Variants in BFSP2 observed in about 807,000 individuals in gnomAD.
BFSP2 encodes the protein phakinin.
In BFSP2, 38 loss-of-function variants were observed where a neutral mutation model predicts 44.9. That is an observed-to-expected ratio of 0.85 (90% CI 0.65 to 1.11). The LOEUF (loss-of-function observed/expected upper bound fraction) is 1.11. Among genes scored for constraint, BFSP2 ranks in the 50% least tolerant of loss-of-function variants. The pLI, the probability that BFSP2 is intolerant of heterozygous loss-of-function variation, is 0.00. For missense variants in BFSP2, 525 were observed against 533.0 expected (o/e 0.99, Z 0.15); for synonymous variants, 197 against 209.9 (o/e 0.94, Z 0.53).
chr3:133,464,339 T>C (rs547344979), intron 4 of BFSP2, among the ~76,000 whole-genome samples: 1 of 152,210 alleles, frequency 6.6e-6, no homozygotes, highest in Non-Finnish European at 1.5e-5. Flanking sequence ...TCTTTCTGTC[T>C]CTCACTGGCC....
chr3:133,430,405 T>A (rs979191026), intron 1 of BFSP2, among the ~76,000 whole-genome samples: 9 of 151,748 alleles, frequency 5.9e-5, no homozygotes, highest in Non-Finnish European at 1.3e-4. Flanking sequence ...CTCCACATCC[T>A]CTCCAGCACC....
chr3:133,448,558 T>G lies in BFSP2; in HGVS notation c.642T>G (p.Asp214Glu). 1 of 1,614,120 alleles carries G rather than the reference T, an allele frequency of 6.2e-7. No homozygotes were observed. Among genetic ancestry groups the G allele is most frequent in the African/African-American group, 1.3e-5 (1 of 75,046 alleles). ...EEINSLYKVI[D>E]EANLTKMDLE... is the part of the protein sequence containing the mutation. ...TTAACTCTCTGTATAAAGTCATTGATGAGGCTAATTTGACTAAAATGGACC... is the reference window on the plus strand; with the variant it reads ...TTAACTCTCTGTATAAAGTCATTGAGGAGGCTAATTTGACTAAAATGGACC... Residue 214 changes from aspartate to glutamate, a missense_variant, in exon 3 of 7, where the codon GAT becomes GAG. Physicochemically the swap from Asp to Glu is conservative, Grantham distance 45. Coordinates refer to ENST00000302334, the MANE Select transcript of BFSP2 (RefSeq NM_003571.4).
chr3:133,422,765 C>CTGCTAGAATATAGCCCAGGTGT (rs1553778647), intron 1 of BFSP2, among the ~76,000 whole-genome samples: 32 of 147,240 alleles, frequency 2.2e-4, no homozygotes, highest in Middle Eastern at 3.5e-3. Flanking sequence ...AGCCCAGCAC[C>CTGCTAGAATATAGCCCAGGTGT]TGCCAGAATA....
intron 4 of BFSP2, among the ~76,000 whole-genome samples, chr3:133,466,373 C>A (rs2074109234): frequency 2.0e-5 from 3 of 151,454 alleles, no homozygotes; most frequent in African/African-American, 7.3e-5. Flanking sequence ...GGTGAAGGGA[C>A]CTGTTTAAAA....
chr3:133,440,646 G>A (rs977750217), intron 1 of BFSP2, among the ~76,000 whole-genome samples: 10 of 152,104 alleles, frequency 6.6e-5, no homozygotes, highest in Admixed American at 2.0e-4. Context: ...AACTTGGGGG[G>A]ACAGAGAGGC....
At chr3:133,437,171 G>C (rs1026384129) in intron 1 of BFSP2, among the ~76,000 whole-genome samples, 17 of 152,120 alleles carry the variant, frequency 1.1e-4, no homozygotes, top group Non-Finnish European at 2.4e-4. Flanking sequence ...GATCCTTGAG[G>C]AATTGCCACA....
intron 1 of BFSP2, among the ~76,000 whole-genome samples, chr3:133,405,086 G>T (rs569626468): frequency 6.6e-6 from 1 of 152,172 alleles, no homozygotes; most frequent in Non-Finnish European, 1.5e-5. Flanking sequence ...CTTGTGCCTC[G>T]GAGCTGCAGA....
At chr3:133,465,091 C>T (rs982272799) in intron 4 of BFSP2, among the ~76,000 whole-genome samples, 9 of 151,590 alleles carry the variant, frequency 5.9e-5, no homozygotes, top group Non-Finnish European at 7.4e-5. Context: ...CTGCAACCTC[C>T]GCCTCCTGGG....
intron 2 of BFSP2, 151 bp from the exon 3 acceptor site, chr3:133,448,338 T>G (rs1489885860): frequency 1.0e-6 from 1 of 979,418 alleles, no homozygotes; most frequent in African/African-American, 1.6e-5. Flanking sequence ...GTGTGACAAC[T>G]GCACTAACAG....
chr3:133,468,770 A>AAC (rs1409264722), intron 5 of BFSP2, among the ~76,000 whole-genome samples: 2 of 152,196 alleles, frequency 1.3e-5, no homozygotes, highest in African/African-American at 4.8e-5. Context: ...AAATAAATTC[A>AAC]ACTTCTTGAT....
chr3:133,412,311 T>C (rs1267081077), intron 1 of BFSP2: 1 of 152,250 alleles, frequency 6.6e-6, no homozygotes, highest in East Asian at 1.9e-4. Flanking sequence ...CTCATCGGGT[T>C]GGTGCAGGAA....
At chr3:133,436,325 C>CA (rs57060416) in intron 1 of BFSP2, among the ~76,000 whole-genome samples, 6,120 of 77,892 alleles carry the variant, frequency 0.079, 599 homozygotes, top group African/African-American at 0.22. Context: ...GACTCTGTCT[C>CA]AAAAAAAAAA....
At chr3:133,429,928 C>T (rs1478883048) in intron 1 of BFSP2, among the ~76,000 whole-genome samples, 2 of 151,116 alleles carry the variant, frequency 1.3e-5, no homozygotes, top group South Asian at 4.2e-4. Flanking sequence ...ACAACAGTCC[C>T]CGGTGCGTGA....
rs1559974406 is a variant in BFSP2 at position 133,447,318 on chromosome 3, T to A, written c.491T>A (p.Val164Glu). The A allele has an allele frequency of 6.2e-7, 1 of 1,613,872 alleles. No individual in the cohort carries two copies. The highest frequency in any genetic ancestry group is 8.5e-7 in the Non-Finnish European group (1 of 1,179,974). ...RASWASSCQQ[V>E]GEAVLENARL... ...CTTTGGTGTGTGTGATCGCTCTAGG[T>A]GGGTGAGGCAGTCTTGGAAAATGCC... The change falls in exon 2 of 7, where the codon GTG becomes GAG. Residue 164 changes from valine to glutamate, a missense_variant and splice_region_variant. Val to Glu is a moderately radical substitution (Grantham distance 121). Transcript: ENST00000302334.
intron 1 of BFSP2, among the ~76,000 whole-genome samples, chr3:133,443,750 C>T (rs1258532772): frequency 6.6e-6 from 1 of 152,170 alleles, no homozygotes; most frequent in Non-Finnish European, 1.5e-5. Flanking sequence ...CATCTTGCCA[C>T]TGCACCAGCT....
chr3:133,468,870 C>T (rs534304372), intron 5 of BFSP2, among the ~76,000 whole-genome samples: 16 of 152,266 alleles, frequency 1.1e-4, no homozygotes, highest in South Asian at 1.0e-3. Context: ...ACTTTAGGAT[C>T]GTAATAGAAT....
At chr3:133,421,965 G>A (rs535238646) in intron 1 of BFSP2, among the ~76,000 whole-genome samples, 1 of 152,136 alleles carries the variant, frequency 6.6e-6, no homozygotes, top group South Asian at 2.1e-4. Context: ...AAATTAGCTG[G>A]GTGTGGTGGT....
intron 1 of BFSP2, among the ~76,000 whole-genome samples, chr3:133,403,835 G>A (rs1156586022): frequency 6.6e-6 from 1 of 152,022 alleles, no homozygotes; most frequent in Non-Finnish European, 1.5e-5. Flanking sequence ...CCACCCAGAG[G>A]AGACAAAGAC....
At chr3:133,446,050 G>A (rs2073893408) in intron 1 of BFSP2, among the ~76,000 whole-genome samples, 1 of 152,180 alleles carries the variant, frequency 6.6e-6, no homozygotes, top group Non-Finnish European at 1.5e-5. Flanking sequence ...GGGAAAGGGA[G>A]ACACCCTAGT....
Sources: allele counts gnomAD v4.1 joint callset (sites outside exome capture counted in the v4.1 genomes callset), GRCh38; gene constraint gnomAD v4.1.1; transcripts MANE v1.5; gene names NCBI Gene and HGNC (gene_info 2026-07-23, HGNC 2026-07-21).